GFRA1: variants seen among roughly 807,000 people sequenced by gnomAD.
GFRA1 encodes GDNF family receptor alpha-1.
Under a neutral mutation model 51.6 loss-of-function variants are expected in GFRA1, and 16 were observed. The ratio of observed to expected loss-of-function variants is 0.31; its 90% CI spans 0.21 to 0.47. The LOEUF (loss-of-function observed/expected upper bound fraction) is 0.47. GFRA1 is among the 20% of genes least tolerant of loss of function. GFRA1 has a pLI of 1.00. For missense variants in GFRA1, 530 were observed against 594.3 expected (o/e 0.89, Z 1.13); for synonymous variants, 270 against 241.3 (o/e 1.12, Z -1.10).
chr10:116,128,262 G>A (rs999526139), intron 5 of GFRA1, among the ~76,000 whole-genome samples: 1 of 152,178 alleles, frequency 6.6e-6, no homozygotes. Flanking sequence ...TTGTATTTAT[G>A]TGTGTTGTTT....
intron 4 of GFRA1, among the ~76,000 whole-genome samples, chr10:116,227,328 T>C (rs771615177): frequency 6.6e-6 from 1 of 152,198 alleles, no homozygotes; most frequent in Non-Finnish European, 1.5e-5. Context: ...CAGGGAACTA[T>C]GTTTACTGCC....
intron 5 of GFRA1, among the ~76,000 whole-genome samples, chr10:116,196,212 G>T (rs1239999383): frequency 6.7e-6 from 1 of 149,994 alleles, no homozygotes; most frequent in Non-Finnish European, 1.5e-5. Context: ...AAAAACAGCT[G>T]GGCATGGTGG....
intron 5 of GFRA1, among the ~76,000 whole-genome samples, chr10:116,155,535 G>A (rs1178554618): frequency 4.6e-5 from 7 of 152,044 alleles, no homozygotes; most frequent in African/African-American, 1.7e-4. Flanking sequence ...ACATATTAAT[G>A]GAATTTTTTT....
intron 5 of GFRA1, among the ~76,000 whole-genome samples, chr10:116,162,676 T>C (rs190675116): frequency 6.8e-4 from 103 of 152,312 alleles, no homozygotes; most frequent in African/African-American, 2.4e-3. Context: ...ATAGACTTTT[T>C]AAAAGACAAT....
intron 5 of GFRA1, among the ~76,000 whole-genome samples, chr10:116,204,391 G>T (rs1452104311): frequency 6.6e-6 from 1 of 152,246 alleles, no homozygotes; most frequent in Non-Finnish European, 1.5e-5. Context: ...TGCTCTGTCA[G>T]CTAGGAGGGC....
chr10:116,075,948 G>A (rs1955601408), intron 9 of GFRA1, among the ~76,000 whole-genome samples: 1 of 152,012 alleles, frequency 6.6e-6, no homozygotes, highest in African/African-American at 2.4e-5. Context: ...GTTTCACCAT[G>A]TTAGCCAAGA....
At chr10:116,074,621 G>A (rs1565555227) in intron 9 of GFRA1, among the ~76,000 whole-genome samples, 1 of 152,218 alleles carries the variant, frequency 6.6e-6, no homozygotes, top group Non-Finnish European at 1.5e-5. Flanking sequence ...CTGCAGCAAA[G>A]GGGCAGGCAG....
intron 7 of GFRA1, among the ~76,000 whole-genome samples, 162 bp downstream of exon 7, chr10:116,096,493 C>CTT (rs34231642): frequency 4.9e-4 from 74 of 149,804 alleles, no homozygotes; most frequent in Middle Eastern, 3.4e-3. Context: ...TTTTTTTTTT[C>CTT]TTTTTTTTTA....
intron 4 of GFRA1, among the ~76,000 whole-genome samples, chr10:116,243,569 A>G (rs529013543): frequency 6.7e-6 from 1 of 149,596 alleles, no homozygotes; most frequent in African/African-American, 2.4e-5. Flanking sequence ...TTTTTTTTTT[A>G]AGAAAAAAAA....
At chr10:116,074,795 C>T (rs1325327992) in intron 9 of GFRA1, among the ~76,000 whole-genome samples, 2 of 152,208 alleles carry the variant, frequency 1.3e-5, no homozygotes, top group African/African-American at 4.8e-5. Flanking sequence ...GGGCTGTTTG[C>T]TTCCACATAA....
intron 4 of GFRA1, among the ~76,000 whole-genome samples, chr10:116,253,129 C>T (rs924755752): frequency 1.2e-4 from 19 of 152,176 alleles, no homozygotes; most frequent in Non-Finnish European, 8.8e-5. Flanking sequence ...AGGAGGGCTT[C>T]GCAAAAATCA....
chr10:116,250,273 C>T (rs78151493), intron 4 of GFRA1, among the ~76,000 whole-genome samples: 58 of 152,252 alleles, frequency 3.8e-4, no homozygotes, highest in East Asian at 3.7e-3. Context: ...ATTCTTTGGG[C>T]CTGTCCTACG....
intron 9 of GFRA1, among the ~76,000 whole-genome samples, chr10:116,069,507 C>T (rs1051849796): frequency 3.9e-5 from 6 of 152,174 alleles, no homozygotes; most frequent in Admixed American, 3.3e-4. Flanking sequence ...AAAGCTTTGT[C>T]TCTCCAGCAG....
chr10:116,075,067 C>T (rs541892915), intron 9 of GFRA1, among the ~76,000 whole-genome samples: 1 of 152,286 alleles, frequency 6.6e-6, no homozygotes, highest in South Asian at 2.1e-4. Context: ...TGTCCAAGGG[C>T]TGAATTACTG....
chr10:116,073,599 G>A (rs538734527), intron 9 of GFRA1, among the ~76,000 whole-genome samples: 3 of 152,276 alleles, frequency 2.0e-5, no homozygotes, highest in African/African-American at 7.2e-5. Context: ...ATGGTATAAA[G>A]GCAGCTAGGA....
chr10:116,138,485 C>T (rs922897277), intron 5 of GFRA1, among the ~76,000 whole-genome samples: 9 of 152,120 alleles, frequency 5.9e-5, no homozygotes, highest in African/African-American at 1.4e-4. Context: ...CAGTATATTC[C>T]GTCCTCATTC....
intron 3 of GFRA1, among the ~76,000 whole-genome samples, chr10:116,269,875 A>C (rs1228245715): frequency 2.0e-5 from 3 of 152,254 alleles, no homozygotes; most frequent in South Asian, 2.1e-4. Context: ...CAGAGAGGGA[A>C]GAGCCGGTGA....
chr10:116,214,216 G>C (rs778991821), intron 4 of GFRA1, among the ~76,000 whole-genome samples: 7 of 152,202 alleles, frequency 4.6e-5, no homozygotes, highest in Non-Finnish European at 8.8e-5. Context: ...CAGCCACTGT[G>C]AAGTTTATTC....
rs545215505 is a variant in GFRA1 at position 116,078,322 on chromosome 10, C to T, written c.1197+11419G>A. Among the ~76,000 whole-genome samples the T allele has an allele frequency of 4.6e-5, 7 of 152,324 alleles. No homozygotes were observed. The East Asian group carries it at 1.4e-3, about 29-fold the overall frequency. On this transcript the variant is annotated intron_variant, in intron 9 of 10. Transcript: ENST00000355422. The stretch of plus-strand genomic sequence containing the variant: ...AGGTGTTTTTACAACAGCCTCTTTT[C>T]TCCCAAGGCTGACGTGGGTGGATTC...
Sources: allele counts gnomAD v4.1 joint callset (sites outside exome capture counted in the v4.1 genomes callset), GRCh38; gene constraint gnomAD v4.1.1; transcripts MANE v1.5; gene names NCBI Gene and HGNC (gene_info 2026-07-23, HGNC 2026-07-21).